Variants in PSME4 observed in about 807,000 individuals in gnomAD.
PSME4 encodes proteasome activator subunit 4, also known as proteasome activator complex subunit 4.
Under a neutral mutation model 253.9 loss-of-function variants are expected in PSME4, and 89 were observed. The ratio of observed to expected loss-of-function variants is 0.35; its 90% confidence interval spans 0.30 to 0.42. The LOEUF (loss-of-function observed/expected upper bound fraction) is 0.42. PSME4 is among the 10% of genes least tolerant of loss of function. PSME4 has a pLI of 1.00. For missense variants in PSME4, 2,014 were observed against 2,195.2 expected (o/e 0.92, Z 1.65); for synonymous variants, 851 against 759.2 (o/e 1.12, Z -1.99).
intron 24 of PSME4, 58 bp downstream of exon 24, chr2:53,908,262 C>T (rs1357342672): frequency 2.4e-5 from 32 of 1,327,776 alleles, no homozygotes; most frequent in African/African-American, 5.9e-5. Context: ...ACCCAAATTA[C>T]GAGGTTATTA....
At chr2:53,919,862 A>C (rs1008648975) in intron 19 of PSME4, among the ~76,000 whole-genome samples, 1 of 152,180 alleles carries the variant, frequency 6.6e-6, no homozygotes, top group Non-Finnish European at 1.5e-5. Flanking sequence ...AATTTTGAGA[A>C]CCCAATAAAA....
At chr2:53,891,930 TGGAAGGAA>T (rs1389150163) in intron 36 of PSME4, among the ~76,000 whole-genome samples, 19 of 148,112 alleles carry the variant, frequency 1.3e-4, no homozygotes, top group South Asian at 2.2e-4. Flanking sequence ...GAAGGACAGA[TGGAAGGAA>T]GGAAGGAAGG....
intron 46 of PSME4, 39 bp downstream of exon 46, chr2:53,866,046 T>C (rs1281674637): frequency 6.5e-7 from 1 of 1,537,284 alleles, no homozygotes; most frequent in Admixed American, 1.9e-5. Context: ...TAGTTCTCAG[T>C]CACCAAACCA....
At chr2:53,960,398 CAA>C (rs1355944056) in intron 1 of PSME4, among the ~76,000 whole-genome samples, 16 of 55,254 alleles carry the variant, frequency 2.9e-4, no homozygotes, top group South Asian at 6.4e-4. Context: ...GACTCCATCT[CAA>C]AAAAAAAAAA....
intron 1 of PSME4, among the ~76,000 whole-genome samples, chr2:53,969,470 A>G (rs934983157): frequency 5.3e-5 from 8 of 152,186 alleles, no homozygotes; most frequent in Non-Finnish European, 1.0e-4. Context: ...CACTCAGTTC[A>G]ATCAGCAGCT....
chr2:53,942,525 T>C (rs1341090605), intron 3 of PSME4, among the ~76,000 whole-genome samples: 1 of 152,078 alleles, frequency 6.6e-6, no homozygotes, highest in Non-Finnish European at 1.5e-5. Flanking sequence ...GTCAGACAGA[T>C]CTTAATTTGA....
rs549433582 is a variant in PSME4 at position 53,926,357 on chromosome 2, A to G, written c.1594-334T>C. 9.0e-4 allele frequency among the ~76,000 whole-genome samples: 137 copies of G among 152,200 alleles called. 1 individual carries two copies. The highest frequency in any genetic ancestry group is 8.1e-4 in the Non-Finnish European group (55 of 68,026). On this transcript the variant is annotated intron_variant, in intron 12 of 46. Transcript: ENST00000404125. Reference sequence around the variant, plus strand: ...ACTACCTGAATGTCCAGAAAAATATAAACAATAACATGCTCGCGACTGGGC... The same window carrying G: ...ACTACCTGAATGTCCAGAAAAATATGAACAATAACATGCTCGCGACTGGGC...
At chr2:53,946,780 G>A (rs1669730133) in intron 3 of PSME4, among the ~76,000 whole-genome samples, 1 of 152,118 alleles carries the variant, frequency 6.6e-6, no homozygotes, top group Non-Finnish European at 1.5e-5. Flanking sequence ...CAGGCATGGT[G>A]GCACACGCCT....
At chr2:53,891,906 T>C (rs805406) in intron 36 of PSME4, among the ~76,000 whole-genome samples, 42,734 of 148,196 alleles carry the variant, frequency 0.29, 6,445 homozygotes, top group South Asian at 0.48. Context: ...GATGGACGGA[T>C]GGATGGACAG....
chr2:53,947,009 T>C (rs1304629815), intron 3 of PSME4, among the ~76,000 whole-genome samples: 1 of 152,228 alleles, frequency 6.6e-6, no homozygotes, highest in East Asian at 1.9e-4. Flanking sequence ...CACTATTCTA[T>C]TTCGTGATAA....
chr2:53,887,720 G>T, intron 39 of PSME4, 138 bp downstream of exon 39: 1 of 1,173,054 alleles, frequency 8.5e-7, no homozygotes, highest in Non-Finnish European at 1.2e-6. Flanking sequence ...TGTTTCCCAC[G>T]ACACAATAGC....
chr2:53,945,821 A>G (rs1324707766), intron 3 of PSME4, among the ~76,000 whole-genome samples: 5 of 152,258 alleles, frequency 3.3e-5, no homozygotes, highest in Admixed American at 6.5e-5. Flanking sequence ...GTGGCAGAAT[A>G]TATCTAAGAA....
intron 1 of PSME4, among the ~76,000 whole-genome samples, chr2:53,969,978 T>C (rs1384333009): frequency 6.6e-6 from 1 of 152,126 alleles, no homozygotes; most frequent in Non-Finnish European, 1.5e-5. Context: ...TAAACGACCC[T>C]TTTCGATCAA....
intron 43 of PSME4, chr2:53,870,374 T>G (rs991113507): frequency 8.9e-5 from 3 of 33,584 alleles, no homozygotes; most frequent in African/African-American, 6.0e-4. Context: ...TTTCTTTTCG[T>G]TTTTTTTTTT....
At chr2:53,925,844 G>A (rs1157337601) in intron 13 of PSME4, 115 bp downstream of exon 13, 24 of 1,257,954 alleles carry the variant, frequency 1.9e-5, no homozygotes, top group Non-Finnish European at 2.7e-5. Flanking sequence ...ATAACTTCAG[G>A]AGCACCAGTA....
chr2:53,920,438 T>G (rs560891263), intron 18 of PSME4, 88 bp from the exon 19 acceptor site: 2 of 1,289,122 alleles, frequency 1.6e-6, no homozygotes, highest in African/African-American at 3.0e-5. Flanking sequence ...TTTTAAAATT[T>G]AAAAGAAAAT....
At chr2:53,953,048 T>C (rs954318486) in intron 1 of PSME4, among the ~76,000 whole-genome samples, 7 of 152,202 alleles carry the variant, frequency 4.6e-5, no homozygotes, top group Non-Finnish European at 1.0e-4. Context: ...GGGGGATTCC[T>C]GGAAAGCCTA....
chr2:53,920,736 T>G (rs759140575), intron 18 of PSME4, among the ~76,000 whole-genome samples, 153 bp downstream of exon 18: 1 of 152,202 alleles, frequency 6.6e-6, no homozygotes, highest in Non-Finnish European at 1.5e-5. Flanking sequence ...CCATGCAAAG[T>G]GAGACAGCAC....
chr2:53,935,936 C>A, intron 7 of PSME4, 151 bp downstream of exon 7: 1 of 878,732 alleles, frequency 1.1e-6, no homozygotes, highest in Non-Finnish European at 1.5e-6. Context: ...CTCTGTCACC[C>A]AGGCTGGAGT....
Sources: allele counts gnomAD v4.1 joint callset (sites outside exome capture counted in the v4.1 genomes callset), GRCh38; gene constraint gnomAD v4.1.1; transcripts MANE v1.5; gene names NCBI Gene and HGNC (gene_info 2026-07-23, HGNC 2026-07-21).